SLC9A3: variants seen among roughly 807,000 people sequenced by gnomAD.
SLC9A3 encodes the protein solute carrier family 9 member A3.
Under a neutral mutation model 86.8 loss-of-function variants are expected in SLC9A3, and 37 were observed. That is an observed-to-expected ratio of 0.43 (90% CI 0.33 to 0.56). The LOEUF (loss-of-function observed/expected upper bound fraction) is 0.56. Ranked by LOEUF, SLC9A3 falls within the 20% of genes least tolerant of loss-of-function variation. The probability of loss-of-function intolerance (pLI) is 0.06; values close to 1 mark genes in which losing one functional copy is unlikely to be tolerated. For synonymous variants in SLC9A3, 581 were observed against 528.3 expected (o/e 1.10, Z -1.37); for missense variants, 1,011 against 1,171.9 (o/e 0.86, Z 2.00).
intron 3 of SLC9A3, 143 bp downstream of exon 3, chr5:488,173 A>C: frequency 1.2e-6 from 1 of 818,124 alleles, no homozygotes; most frequent in Non-Finnish European, 2.0e-6. Flanking sequence ...GGGAGGAAGG[A>C]GGTGGAGGGA....
intron 6 of SLC9A3, among the ~76,000 whole-genome samples, chr5:482,976 G>A (rs1739287941): frequency 6.6e-6 from 1 of 151,736 alleles, no homozygotes. Context: ...GGGTGCTGGG[G>A]GATGGGGCTG....
intron 14 of SLC9A3, 129 bp from the exon 15 acceptor site, chr5:475,800 C>T: frequency 1.4e-6 from 1 of 700,820 alleles, no homozygotes; most frequent in South Asian, 1.7e-5. Context: ...GAGGGCTAAA[C>T]CGCAGGGCTG....
In SLC9A3 at chr5:491,930, T is replaced by C; in HGVS notation, c.353A>G (p.Tyr118Cys). ...GTCCAGCACGATGGGGGGCAGCAGG[T>C]AGAAGAAGAAGACGGTGGGCGTCAG... ...FTLTPTVFFF[Y>C]LLPPIVLDAG... is the part of the protein sequence containing the mutation. Residue 118 changes from tyrosine (Y) to cysteine (C), a missense_variant, in exon 2 of 17, where the codon TAC becomes TGC. By Grantham distance (194) the Tyr-to-Cys change is radical. Around this residue, in one of 3 missense-constraint regions of SLC9A3, gnomAD observed 565 missense variants for 790.0 expected, o/e 0.72. Coordinates refer to ENST00000264938, the MANE Select transcript of SLC9A3 (RefSeq NM_004174.4). The surrounding 1 kb of genome is among the most constrained non-coding windows in gnomAD (Gnocchi z 9.2). 1 of 1,611,068 alleles carries C rather than the reference T, an allele frequency of 6.2e-7. No individual in the cohort carries two copies. Among genetic ancestry groups the C allele is most frequent in the Non-Finnish European group, 8.5e-7 (1 of 1,179,344 alleles).
intron 1 of SLC9A3, among the ~76,000 whole-genome samples, chr5:500,220 G>A (rs769133757): frequency 1.3e-5 from 2 of 152,250 alleles, no homozygotes; most frequent in African/African-American, 2.4e-5. Flanking sequence ...GGACCCTCCC[G>A]AGACGCACTA....
chr5:524,376 G>C lies in SLC9A3; in HGVS notation c.-54C>G. On this transcript the variant is annotated 5_prime_UTR_variant, in exon 1 of 17. Coordinates refer to ENST00000264938, the MANE Select transcript of SLC9A3 (RefSeq NM_004174.4). Reference sequence around the variant, plus strand: ...GCGCATGTCGCGGGGGGTCCCGGCTGGGCTGGGCCGACGCGCGGGGCTGGG... The same window carrying C: ...GCGCATGTCGCGGGGGGTCCCGGCTCGGCTGGGCCGACGCGCGGGGCTGGG... 1 of 828,728 alleles carries C rather than the reference G, an allele frequency of 1.2e-6. No individual in the cohort carries two copies. Among genetic ancestry groups the C allele is most frequent in the Non-Finnish European group, 1.6e-6 (1 of 644,216 alleles). The allele number at this position is 828,728 out of a possible 1,614,324, so 51.3% of individuals were successfully genotyped here.
chr5:485,128 C>T, intron 4 of SLC9A3, 25 bp downstream of exon 4: 2 of 1,583,432 alleles, frequency 1.3e-6, no homozygotes, highest in Non-Finnish European at 1.7e-6. Context: ...CGGCCGCCCA[C>T]TCCCCCTGAC....
At chr5:474,097 A>C (rs141378816) in intron 16 of SLC9A3, among the ~76,000 whole-genome samples, 2,207 of 151,802 alleles carry the variant, frequency 0.015, 32 homozygotes, top group Non-Finnish European at 0.017. Flanking sequence ...GGAGAGAGAG[A>C]GCGCGCCAGG....
At chr5:513,284 A>G (rs1196098713) in intron 1 of SLC9A3, among the ~76,000 whole-genome samples, 2 of 152,158 alleles carry the variant, frequency 1.3e-5, no homozygotes, top group East Asian at 3.9e-4. Context: ...AACATTTACC[A>G]TGGGCAGTAT....
intron 3 of SLC9A3, 26 bp from the exon 4 acceptor site, chr5:485,257 G>A: frequency 1.2e-6 from 2 of 1,602,912 alleles, no homozygotes; most frequent in Non-Finnish European, 1.7e-6. Context: ...GCAGGGCGTT[G>A]GGTGGTCCTT....
rs150519657 is a variant in SLC9A3, at chr5:482,730, G to C, written c.1174C>G (p.Leu392Val). The change falls in exon 7 of 17, where the codon CTT becomes GTT. Residue 392 changes from leucine (L) to valine (V), a missense_variant. Coordinates refer to ENST00000264938, the MANE Select transcript of SLC9A3 (RefSeq NM_004174.4). ...RAIGVVLQTW[L>V]LNRYRMVQLE... The stretch of plus-strand genomic sequence containing the variant: ...TGCACCATGCGGTAGCGGTTCAGAA[G>C]CCAGGTCTGCAGGACCACACCTGCG... 1.9e-6 allele frequency: 3 copies of C among 1,607,542 alleles called. No individual in the cohort carries two copies. The highest frequency in any genetic ancestry group is 2.2e-5 in the South Asian group (2 of 90,386).
rs760008298 is a variant in SLC9A3 at position 524,122 on chromosome 5, C to G, written c.201G>C (p.Leu67Phe). 1 of 1,516,258 alleles carries G rather than the reference C, an allele frequency of 6.6e-7. No individual in the cohort carries two copies. Among genetic ancestry groups the G allele is most frequent in the South Asian group, 1.2e-5 (1 of 80,518 alleles). 93.9% of individuals were successfully genotyped at this position (1,516,258 alleles called of 1,614,324 possible). ...CCCGGGGCCACTTACCGATCTTGGCCAAGCTGGCCACGAGGATCCAGAGCG... is the reference window on the plus strand; with the variant it reads ...CCCGGGGCCACTTACCGATCTTGGCGAAGCTGGCCACGAGGATCCAGAGCG... The part of the protein sequence containing the change: ...VIALWILVAS[L>F]AKIGFHLSHK... Residue 67 changes from leucine to phenylalanine, a missense_variant, in exon 1 of 17, where the codon TTG (leucine) becomes TTC (phenylalanine). Coordinates refer to ENST00000264938, the MANE Select transcript of SLC9A3 (RefSeq NM_004174.4).
At chr5:475,922 GGGGAAGGTCCTGAGA>G (rs1738697434) in intron 14 of SLC9A3, 83 bp downstream of exon 14, 5 of 1,098,276 alleles carry the variant, frequency 4.6e-6, no homozygotes, top group Non-Finnish European at 6.5e-6. Context: ...GGTCCCCAGA[GGGGAAGGTCCTGAGA>G]GGGGAGGTTC....
At chr5:501,128 T>G (rs78019339) in intron 1 of SLC9A3, among the ~76,000 whole-genome samples, 7,190 of 152,224 alleles carry the variant, frequency 0.047, 545 homozygotes, top group African/African-American at 0.16. Context: ...TTACAAACCC[T>G]GTGCCTGGAG....
chr5:476,038 A>G lies in SLC9A3; in HGVS notation c.2122T>C (p.Phe708Leu). The G allele has an allele frequency of 6.2e-7, 1 of 1,612,638 alleles. No individual in the cohort carries two copies. The highest frequency in any genetic ancestry group is 8.5e-7 in the Non-Finnish European group (1 of 1,179,650). ...AGCGCACCTTTCTCCTTGATGGTGAAATTCTGCGCAGGGCTCTCCATGGGC... is the reference window on the plus strand; with the variant it reads ...AGCGCACCTTTCTCCTTGATGGTGAGATTCTGCGCAGGGCTCTCCATGGGC... ...KLPMESPAQN[F>L]TIKEKDLELS... Residue 708 changes from phenylalanine to leucine, a missense_variant, in exon 14 of 17, where the codon TTC (phenylalanine) becomes CTC (leucine). This residue lies in a region of SLC9A3 where 397 missense variants were observed against 346.3 expected (regional missense o/e 1.15). Coordinates refer to ENST00000264938, the MANE Select transcript of SLC9A3 (RefSeq NM_004174.4).
chr5:493,623 C>T (rs1216956509), intron 1 of SLC9A3, among the ~76,000 whole-genome samples: 2 of 152,250 alleles, frequency 1.3e-5, no homozygotes, highest in Non-Finnish European at 2.9e-5. Context: ...ACAAGCTCCG[C>T]ACCTGCCCGG....
Position 524,341 on chromosome 5 carries a change from G to T in SLC9A3, c.-19C>A, listed in dbSNP as rs1408399393. 2.7e-6 allele frequency: 3 copies of T among 1,119,766 alleles called. No homozygotes were observed. The highest frequency in any genetic ancestry group is 1.6e-5 in the African/African-American group (1 of 60,634). The allele number at this position is 1,119,766 out of a possible 1,614,324, so 69.4% of individuals were successfully genotyped here. A position where few individuals can be genotyped will look rare whatever the true frequency, so the allele number is the denominator to read the frequency against. ...CCCACATTGCCGCCTGCTCAGCGCAGGGCTGGGACGCGCATGTCGCGGGGG... is the reference window on the plus strand; with the variant it reads ...CCCACATTGCCGCCTGCTCAGCGCATGGCTGGGACGCGCATGTCGCGGGGG... On this transcript the variant is annotated 5_prime_UTR_variant, in exon 1 of 17. It adds an upstream start codon to the 5' untranslated region. Transcript: ENST00000264938.
rs1011893804 is a variant in SLC9A3, at chr5:496,122, T to C, written c.212-4051A>G. ...GACCTTGGTAGTTACTGAGAAAATA[T>C]ACATATATACGCACAAACGCCGCAT... On this transcript the variant is annotated intron_variant, in intron 1 of 16. Transcript: ENST00000264938. This position sits in a 1 kb window ranked among gnomAD's most constrained non-coding sequence, Gnocchi z 4.7. 5.9e-5 allele frequency among the ~76,000 whole-genome samples: 9 copies of C among 152,208 alleles called. No homozygotes were observed. Among genetic ancestry groups the C allele is most frequent in the African/African-American group, 2.2e-4 (9 of 41,444 alleles).
At chr5:489,738 G>A (rs971896375) in intron 2 of SLC9A3, among the ~76,000 whole-genome samples, 1 of 152,164 alleles carries the variant, frequency 6.6e-6, no homozygotes, top group African/African-American at 2.4e-5. Context: ...CTTTAAACGC[G>A]GCCTCCTGGC....
rs1220516632 is a variant in SLC9A3, at chr5:475,192, C to T, written c.2252-60G>A. The T allele has an allele frequency of 6.7e-6, 10 of 1,503,258 alleles. No homozygotes were observed. In the East Asian group the frequency reaches 1.8e-4, roughly 27 times the overall value. 93.1% of individuals were successfully genotyped at this position (1,503,258 alleles called of 1,614,324 possible). A position where few individuals can be genotyped will look rare whatever the true frequency, so the allele number is the denominator to read the frequency against. On this transcript the variant is annotated intron_variant, in intron 15 of 16. Coordinates refer to ENST00000264938, the MANE Select transcript of SLC9A3 (RefSeq NM_004174.4). Reference sequence around the variant, plus strand: ...AGAGCCCCACGGCGGCAGGGGAGACCTCGCCGGGGCCGTCACCTGCTGGGT... The same window carrying T: ...AGAGCCCCACGGCGGCAGGGGAGACTTCGCCGGGGCCGTCACCTGCTGGGT...
Sources: gnomAD v4.1 joint callset for allele counts (sites outside exome capture counted in the v4.1 genomes callset) on GRCh38, gnomAD v4.1.1 for gene constraint, gnomAD v4.1.1 regional missense constraint, Gnocchi (gnomAD v3.1) non-coding constraint, MANE v1.5 for transcripts, NCBI Gene and HGNC (gene_info 2026-07-23, HGNC 2026-07-21) for gene names.